The following SLC31A2 variants were observed in gnomAD, a reference collection of about 807,000 sequenced individuals.
The protein encoded by SLC31A2 is protein SLC31A2.
A neutral mutation model predicts 14.4 loss-of-function variants in SLC31A2; 16 were observed. The ratio of observed to expected loss-of-function variants is 1.11; its 90% confidence interval spans 0.75 to 1.69. The LOEUF is 1.69. SLC31A2 is among the 40% of genes most tolerant of loss of function. The probability of loss-of-function intolerance (pLI) is 0.00; values close to 1 mark genes in which losing one functional copy is unlikely to be tolerated. For synonymous variants in SLC31A2, 56 were observed against 68.7 expected (o/e 0.82, Z 0.91); for missense variants, 140 against 173.9 (o/e 0.81, Z 1.10).
chr9:113,161,573 C>T lies in SLC31A2; in HGVS notation c.138C>T (p.Gly46=). 1 of 1,614,018 alleles carries T rather than the reference C, an allele frequency of 6.2e-7. No individual in the cohort carries two copies. The highest frequency in any genetic ancestry group is 1.3e-5 in the African/African-American group (1 of 75,044). The change falls in exon 3 of 4, where the codon GGC becomes GGT. Residue 46 remains glycine (G), a synonymous_variant. Transcript: ENST00000259392. ...LAVLYEGIKV[G]KAKLLNQVLV... ...TACTGTATGAAGGCATCAAGGTTGG[C>T]AAAGCCAAGCTGCTCAACCAGGTAC...
intron 1 of SLC31A2, among the ~76,000 whole-genome samples, chr9:113,155,301 C>T (rs1319757198): frequency 2.6e-5 from 4 of 152,182 alleles, no homozygotes; most frequent in Admixed American, 6.5e-5. Flanking sequence ...CAGTTAGGAG[C>T]ACAGAATCTG....
intron 1 of SLC31A2, among the ~76,000 whole-genome samples, chr9:113,157,293 T>C (rs1348435798): frequency 6.6e-6 from 1 of 152,192 alleles, no homozygotes; most frequent in Non-Finnish European, 1.5e-5. Context: ...CTGTGGGATC[T>C]GTCTAGACTG....
rs1386979255 is a variant in SLC31A2 at position 113,162,758 on chromosome 9, G to A, written c.273G>A (p.Leu91=). 13 of 1,611,696 alleles carry A rather than the reference G, an allele frequency of 8.1e-6. No individual in the cohort carries two copies. Among genetic ancestry groups the A allele is most frequent in the Middle Eastern group, 1.6e-4 (1 of 6,064 alleles). The change falls in exon 4 of 4, where the codon TTG becomes TTA. Residue 91 remains leucine, a synonymous_variant. Transcript: ENST00000259392. ...TCTCCTTTTTATCTAGGTGGTATTT[G>A]TGTCACTTTGGCCAGTCTCTAATCC... ...PVGRTHHRWY[L]CHFGQSLIHV... is the part of the protein sequence containing the mutation.
At position 113,151,411 on chromosome 9, in the gene SLC31A2, C is replaced by A. The variant is rs1031475531; in HGVS notation, c.6+331C>A. Among the ~76,000 whole-genome samples the A allele has an allele frequency of 7.2e-5, 11 of 151,926 alleles. No homozygotes were observed. Among genetic ancestry groups the A allele is most frequent in the African/African-American group, 2.7e-4 (11 of 41,400 alleles). On this transcript the variant is annotated intron_variant, in intron 1 of 3. Transcript: ENST00000259392. The surrounding 1 kb of genome is among the most constrained non-coding windows in gnomAD (Gnocchi z 4.2). ...GGGCCCCCGGCCCCGGACCTCTGGC[C>A]GGCGCCCCAGGGCGGAGAGCAGCGC...
intron 1 of SLC31A2, among the ~76,000 whole-genome samples, chr9:113,157,169 C>T (rs1201533017): frequency 6.6e-6 from 1 of 152,228 alleles, no homozygotes; most frequent in Non-Finnish European, 1.5e-5. Flanking sequence ...GAGACATTAA[C>T]CTACTTCCAT....
At chr9:113,158,351 T>C (rs1197782523) in intron 2 of SLC31A2, among the ~76,000 whole-genome samples, 3 of 152,248 alleles carry the variant, frequency 2.0e-5, no homozygotes, top group African/African-American at 4.8e-5. Context: ...ATGCCCATTA[T>C]TGCGGGTGCA....
At chr9:113,156,606 G>T (rs1351159327) in intron 1 of SLC31A2, among the ~76,000 whole-genome samples, 4 of 152,194 alleles carry the variant, frequency 2.6e-5, no homozygotes, top group Non-Finnish European at 5.9e-5. Flanking sequence ...ACTCAGCCAG[G>T]ATCTCCTTAG....
intron 2 of SLC31A2, among the ~76,000 whole-genome samples, chr9:113,159,926 G>A (rs1444223083): frequency 6.6e-6 from 1 of 152,236 alleles, no homozygotes; most frequent in Non-Finnish European, 1.5e-5. Context: ...TGTAATCCCA[G>A]CACTTTGGGA....
At chr9:113,161,053 A>AAT in intron 2 of SLC31A2, 1 of 153,432 alleles carries the variant, frequency 6.5e-6, no homozygotes, top group Middle Eastern at 3.3e-3. Flanking sequence ...TTATAAAAGT[A>AAT]ATATATATAA....
At position 113,161,654 on chromosome 9, in the gene SLC31A2, C is replaced by G. The variant is rs1203355629; in HGVS notation, c.219C>G (p.Asp73Glu). ...SQQTIAETDG[D>E]SAGSDSFPVG... ...AGACCATCGCAGAGACAGACGGGGA[C>G]TCTGCAGGCTCAGATTCATTCCCTG... The change falls in exon 3 of 4, where the codon GAC becomes GAG. Residue 73 changes from aspartate to glutamate, a missense_variant. Physicochemically the swap from Asp to Glu is conservative, Grantham distance 45. Transcript: ENST00000259392. 6 of 1,614,060 alleles carry G rather than the reference C, an allele frequency of 3.7e-6. No homozygotes were observed. Among genetic ancestry groups the G allele is most frequent in the Non-Finnish European group, 3.4e-6 (4 of 1,179,908 alleles).
At chr9:113,158,260 C>CA (rs1829960158) in intron 2 of SLC31A2, among the ~76,000 whole-genome samples, 2 of 152,110 alleles carry the variant, frequency 1.3e-5, no homozygotes, top group South Asian at 4.1e-4. Flanking sequence ...TTTGAAAAGG[C>CA]AGAGTTTGTC....
In SLC31A2 at chr9:113,156,347, GT is replaced by G. The variant is rs544260133; in HGVS notation, c.7-1378del. On this transcript the variant is annotated intron_variant, in intron 1 of 3. Coordinates refer to ENST00000259392, the MANE Select transcript of SLC31A2 (RefSeq NM_001860.3). ...TGAGAGGGGGTGGAGAGGGACTCAA[GT>G]TGGGCCAGATCAGCATTTTTCAAAC... Among the ~76,000 whole-genome samples the G allele has an allele frequency of 6.5e-3, 992 of 152,272 alleles. 12 individuals carry two copies. Among genetic ancestry groups the G allele is most frequent in the African/African-American group, 0.023 (951 of 41,532 alleles).
intron 1 of SLC31A2, 87 bp from the exon 2 acceptor site, chr9:113,157,640 G>A (rs1023370045): frequency 9.1e-7 from 1 of 1,097,042 alleles, no homozygotes. Context: ...CATTTTTCTG[G>A]GCTCCCAGAG....
Position 113,151,021 on chromosome 9 carries a change from C to G in SLC31A2, c.-54C>G. On this transcript the variant is annotated 5_prime_UTR_variant, in exon 1 of 4. Transcript: ENST00000259392. The surrounding 1 kb of genome is among the most constrained non-coding windows in gnomAD (Gnocchi z 4.2). ...CGGCGGCGGTTGAACTGACTCGGAG[C>G]GAGGAGACCCGAGCGAGCAGACGCG... 1 of 1,292,206 alleles carries G rather than the reference C, an allele frequency of 7.7e-7. No homozygotes were observed. The highest frequency in any genetic ancestry group is 9.9e-7 in the Non-Finnish European group (1 of 1,014,924). 80.0% of individuals were successfully genotyped at this position (1,292,206 alleles called of 1,614,324 possible).
chr9:113,158,546 G>A (rs1046382387), intron 2 of SLC31A2, among the ~76,000 whole-genome samples: 4 of 152,206 alleles, frequency 2.6e-5, no homozygotes, highest in African/African-American at 9.7e-5. Flanking sequence ...GTGGCTGGAA[G>A]TAGGGTCATT....
chr9:113,161,723 G>A (rs763809851), intron 3 of SLC31A2, 25 bp downstream of exon 3: 3 of 1,611,406 alleles, frequency 1.9e-6, no homozygotes, highest in Non-Finnish European at 2.5e-6. Context: ...TATGGGAAAG[G>A]GGCAGAAGCC....
At chr9:113,156,132 A>AC (rs770753202) in intron 1 of SLC31A2, 49 of 517,458 alleles carry the variant, frequency 9.5e-5, no homozygotes, top group African/African-American at 4.3e-4. Context: ...CTACCTTTCC[A>AC]CCCCCACACT....
At chr9:113,156,575 G>A (rs986870643) in intron 1 of SLC31A2, among the ~76,000 whole-genome samples, 2 of 152,212 alleles carry the variant, frequency 1.3e-5, no homozygotes, top group African/African-American at 4.8e-5. Flanking sequence ...AGAAGGCAAA[G>A]GCTTCCACTA....
At chr9:113,160,003 C>T (rs917034584) in intron 2 of SLC31A2, among the ~76,000 whole-genome samples, 5 of 152,012 alleles carry the variant, frequency 3.3e-5, no homozygotes, top group African/African-American at 1.2e-4. Flanking sequence ...GGTCAAACCC[C>T]GTCTCTACTA....
Sources: allele counts gnomAD v4.1 joint callset (sites outside exome capture counted in the v4.1 genomes callset), GRCh38; gene constraint gnomAD v4.1.1; non-coding constraint Gnocchi (gnomAD v3.1); transcripts MANE v1.5; gene names NCBI Gene and HGNC (gene_info 2026-07-23, HGNC 2026-07-21).